The following FBXO36 variants were observed in gnomAD, a reference collection of about 807,000 sequenced individuals.
FBXO36 encodes the protein F-box protein 36, also known as F-box only protein 36.
FBXO36 carries 18 observed loss-of-function variants against 17.0 expected under a neutral mutation model. That is an observed-to-expected ratio of 1.06 (90% CI 0.73 to 1.57). The LOEUF (loss-of-function observed/expected upper bound fraction) is 1.57, where lower values mean the gene tolerates loss of function less well. FBXO36 is among the 40% of genes most tolerant of loss of function. The pLI is 0.00. For missense variants in FBXO36, 229 were observed against 221.9 expected, an observed-to-expected ratio of 1.03 and a Z score of -0.20; for synonymous variants, 83 against 85.3, an observed-to-expected ratio of 0.97 and a Z score of 0.15.
intron 2 of FBXO36, among the ~76,000 whole-genome samples, chr2:229,983,129 A>G (rs2077249550): frequency 6.6e-6 from 1 of 151,972 alleles, no homozygotes; most frequent in Non-Finnish European, 1.5e-5. Flanking sequence ...TAATCCCAGC[A>G]CTTTGGGAAG....
chr2:230,006,912 A>G (rs756542127), intron 3 of FBXO36, among the ~76,000 whole-genome samples: 1 of 152,210 alleles, frequency 6.6e-6, no homozygotes, highest in Non-Finnish European at 1.5e-5. Context: ...CCATGGTGCT[A>G]TTCCACAGTT....
chr2:229,984,836 G>T (rs1362931710), intron 2 of FBXO36, among the ~76,000 whole-genome samples: 1 of 152,144 alleles, frequency 6.6e-6, no homozygotes, highest in Middle Eastern at 3.2e-3. Context: ...ATTTTCGGAT[G>T]GTTTCCAGGT....
At chr2:229,997,358 AC>A (rs2077332698) in intron 3 of FBXO36, among the ~76,000 whole-genome samples, 1 of 151,504 alleles carries the variant, frequency 6.6e-6, no homozygotes, top group Non-Finnish European at 1.5e-5. Context: ...TGGGTGGATC[AC>A]CTGAGGTCAG....
intron 1 of FBXO36, among the ~76,000 whole-genome samples, chr2:229,958,301 C>T (rs1191017944): frequency 8.6e-6 from 1 of 116,434 alleles, no homozygotes; most frequent in African/African-American, 3.3e-5. Flanking sequence ...GAGTCTCACT[C>T]ACTCTGTCAT....
intron 2 of FBXO36, among the ~76,000 whole-genome samples, chr2:229,992,556 G>A (rs531950994): frequency 1.3e-5 from 2 of 152,086 alleles, no homozygotes; most frequent in South Asian, 2.1e-4. Flanking sequence ...CAACCCTCTC[G>A]TCACACTCAT....
intron 1 of FBXO36, among the ~76,000 whole-genome samples, chr2:229,953,000 C>T (rs1194389095): frequency 5.3e-5 from 8 of 152,120 alleles, no homozygotes; most frequent in Admixed American, 6.5e-5. Flanking sequence ...GATGTTTTTC[C>T]CTGTTTACTG....
At chr2:229,962,131 C>T (rs1042668888) in intron 1 of FBXO36, among the ~76,000 whole-genome samples, 8 of 150,670 alleles carry the variant, frequency 5.3e-5, no homozygotes, top group African/African-American at 1.5e-4. Context: ...TGCAGTGAGC[C>T]GAGATTGTGC....
chr2:229,953,465 C>T (rs2106174438), intron 1 of FBXO36, among the ~76,000 whole-genome samples: 1 of 151,968 alleles, frequency 6.6e-6, no homozygotes, highest in South Asian at 2.1e-4. Flanking sequence ...CGCTTGAGCT[C>T]AGGAGTTTGA....
At chr2:230,007,436 C>T (rs2077393002) in intron 3 of FBXO36, among the ~76,000 whole-genome samples, 1 of 152,080 alleles carries the variant, frequency 6.6e-6, no homozygotes, top group South Asian at 2.1e-4. Context: ...TCATAATTCC[C>T]ATGTCTGGCC....
At chr2:229,976,921 C>CA in intron 2 of FBXO36, 1 of 152,004 alleles carries the variant, frequency 6.6e-6, no homozygotes, top group South Asian at 2.1e-4. Context: ...TGGGCAGTGG[C>CA]AAACAACCAA....
intron 1 of FBXO36, among the ~76,000 whole-genome samples, chr2:229,935,910 A>C (rs1195637395): frequency 6.6e-6 from 1 of 152,202 alleles, no homozygotes; most frequent in Non-Finnish European, 1.5e-5. Flanking sequence ...TCAGAAGGCC[A>C]GGTGCGGTGG....
intron 1 of FBXO36, among the ~76,000 whole-genome samples, chr2:229,947,116 C>T (rs1297533503): frequency 6.6e-6 from 1 of 151,588 alleles, no homozygotes; most frequent in Non-Finnish European, 1.5e-5. Context: ...TGCAGTGAGC[C>T]GAGATCACAC....
At chr2:229,998,863 C>G (rs1397503785) in intron 3 of FBXO36, among the ~76,000 whole-genome samples, 1 of 146,768 alleles carries the variant, frequency 6.8e-6, no homozygotes, top group East Asian at 2.0e-4. Flanking sequence ...AGTGCAGTGG[C>G]GCGATCTCGG....
intron 2 of FBXO36, among the ~76,000 whole-genome samples, chr2:229,981,844 G>T (rs2077242179): frequency 6.6e-6 from 1 of 152,072 alleles, no homozygotes; most frequent in African/African-American, 2.4e-5. Context: ...AAGAAAGGAG[G>T]TTTAATTGGC....
At position 230,010,661 on chromosome 2, in the gene FBXO36, T is replaced by G. The variant is rs769562585; in HGVS notation, c.379-35T>G. On this transcript the variant is annotated intron_variant, in intron 3 of 3. Transcript: ENST00000283946. ...GTTTGATAATGAGTTAACACATGTG[T>G]GCTGTAACCCACCTCTGACTTTTCC... 7 of 1,570,360 alleles carry G rather than the reference T, an allele frequency of 4.5e-6. No individual in the cohort carries two copies. The South Asian group carries it at 8.1e-5, about 18-fold the overall frequency.
intron 1 of FBXO36, among the ~76,000 whole-genome samples, chr2:229,958,293 G>A (rs1430931655): frequency 1.8e-5 from 2 of 109,760 alleles, no homozygotes; most frequent in African/African-American, 3.6e-5. Flanking sequence ...TTGAGTCAGA[G>A]TCTCACTCAC....
intron 1 of FBXO36, among the ~76,000 whole-genome samples, chr2:229,955,072 G>A (rs2077079904): frequency 6.6e-6 from 1 of 151,678 alleles, no homozygotes; most frequent in Non-Finnish European, 1.5e-5. Context: ...GGCTGGTCTT[G>A]AACTCCTGAC....
At chr2:229,968,631 C>G (rs1487352075) in intron 1 of FBXO36, among the ~76,000 whole-genome samples, 1 of 152,072 alleles carries the variant, frequency 6.6e-6, no homozygotes, top group Non-Finnish European at 1.5e-5. Context: ...CCATGCCTGG[C>G]TAATTTTTGT....
intron 1 of FBXO36, among the ~76,000 whole-genome samples, chr2:229,952,882 C>T (rs748148231): frequency 5.9e-5 from 9 of 152,156 alleles, no homozygotes; most frequent in South Asian, 2.1e-4. Context: ...GAGAACTCCC[C>T]GCTATTCCTG....
Sources: gnomAD v4.1 joint callset for allele counts (sites outside exome capture counted in the v4.1 genomes callset) on GRCh38, gnomAD v4.1.1 for gene constraint, MANE v1.5 for transcripts, NCBI Gene and HGNC (gene_info 2026-07-23, HGNC 2026-07-21) for gene names.